GALNT2: variants seen among roughly 807,000 people sequenced by gnomAD.
The protein encoded by GALNT2 is UDP-GalNAc:polypeptide N-acetylgalactosaminyltransferase 2.
In GALNT2, 31 loss-of-function variants were observed where a neutral mutation model predicts 81.4. The ratio of observed to expected loss-of-function variants is 0.38; its 90% CI spans 0.29 to 0.51. The LOEUF is 0.51. Ranked by LOEUF, GALNT2 falls within the 20% of genes least tolerant of loss-of-function variation. GALNT2 has a pLI of 0.87. For missense variants in GALNT2, 629 were observed against 765.7 expected, an observed-to-expected ratio of 0.82 and a Z score of 2.11; for synonymous variants, 303 against 287.4, an observed-to-expected ratio of 1.05 and a Z score of -0.55.
chr1:230,184,960 T>A (rs1663275240), intron 2 of GALNT2, among the ~76,000 whole-genome samples: 1 of 152,236 alleles, frequency 6.6e-6, no homozygotes, highest in Non-Finnish European at 1.5e-5. Context: ...TTTTAGAAGT[T>A]TCTAATGTCA....
At position 230,282,091 on chromosome 1, in the gene GALNT2, T is replaced by C. The variant is rs186904200; in HGVS notation, c.*2633T>C. The C allele has an allele frequency of 2.6e-4, 40 of 152,144 alleles. No homozygotes were observed. In the East Asian group the frequency reaches 7.7e-3, roughly 29 times the overall value. 9.4% of individuals were successfully genotyped at this position (152,144 alleles called of 1,614,324 possible). ...GATGGAAACCATCCTTGAAAATTGTTTAACTTAAATAAAGAGAAGATACTT... is the reference window on the plus strand; with the variant it reads ...GATGGAAACCATCCTTGAAAATTGTCTAACTTAAATAAAGAGAAGATACTT... On this transcript the variant is annotated 3_prime_UTR_variant, in exon 16 of 16. Coordinates refer to ENST00000366672, the MANE Select transcript of GALNT2 (RefSeq NM_004481.5).
At chr1:230,152,499 A>C (rs1662121153) in intron 1 of GALNT2, among the ~76,000 whole-genome samples, 3 of 152,206 alleles carry the variant, frequency 2.0e-5, no homozygotes, top group Admixed American at 6.5e-5. Context: ...AAGAGTAGGT[A>C]CCCTTTTATG....
At chr1:230,223,909 TC>T (rs1396853583) in intron 3 of GALNT2, among the ~76,000 whole-genome samples, 1 of 152,128 alleles carries the variant, frequency 6.6e-6, no homozygotes, top group African/African-American at 2.4e-5. Flanking sequence ...TGCTCAGGGG[TC>T]CCACAGACTC....
At chr1:230,241,908 T>C (rs2102740518) in intron 6 of GALNT2, among the ~76,000 whole-genome samples, 1 of 152,372 alleles carries the variant, frequency 6.6e-6, no homozygotes, top group Middle Eastern at 3.4e-3. Flanking sequence ...AGATAGCAGC[T>C]GAAACTCAGT....
At position 230,280,198 on chromosome 1, in the gene GALNT2, AG is replaced by A. The variant is rs1666400151; in HGVS notation, c.*743del. 2.8e-6 allele frequency: 1 copy of A among 355,954 alleles called. No individual in the cohort carries two copies. 22.0% of individuals were successfully genotyped at this position (355,954 alleles called of 1,614,324 possible). ...GCCCGGTGGGGCCAGTTTCTCACAG[AG>A]GGAGGAGGTGGCCTTTGTCCCCTGG... On this transcript the variant is annotated 3_prime_UTR_variant, in exon 16 of 16. Transcript: ENST00000366672.
At chr1:230,264,075 G>A (rs1024925672) in intron 13 of GALNT2, 1 of 152,264 alleles carries the variant, frequency 6.6e-6, no homozygotes, top group African/African-American at 2.4e-5. Flanking sequence ...TTTTGCTGGG[G>A]ATTGAGAGCA....
intron 1 of GALNT2, among the ~76,000 whole-genome samples, chr1:230,114,851 C>G (rs1369560142): frequency 6.6e-6 from 1 of 152,062 alleles, no homozygotes; most frequent in Non-Finnish European, 1.5e-5. Flanking sequence ...GGGTTCACAG[C>G]AAAATTGAGC....
chr1:230,119,090 C>G (rs535383224), intron 1 of GALNT2, among the ~76,000 whole-genome samples: 4 of 152,288 alleles, frequency 2.6e-5, no homozygotes, highest in African/African-American at 9.6e-5. Flanking sequence ...ATTTAATTAT[C>G]GCTCAAATCT....
chr1:230,268,873 A>G (rs1473414188), intron 14 of GALNT2, among the ~76,000 whole-genome samples: 3 of 152,208 alleles, frequency 2.0e-5, no homozygotes, highest in Non-Finnish European at 4.4e-5. Context: ...GAGGGCAGCC[A>G]CAGCACAGAC....
chr1:230,232,456 C>G (rs894867654), intron 3 of GALNT2, among the ~76,000 whole-genome samples: 3 of 152,066 alleles, frequency 2.0e-5, no homozygotes, highest in South Asian at 2.1e-4. Context: ...AAAAGGAAAC[C>G]GAGAGAATAG....
intron 1 of GALNT2, among the ~76,000 whole-genome samples, chr1:230,170,786 C>T (rs1434709876): frequency 6.6e-6 from 1 of 152,038 alleles, no homozygotes. Flanking sequence ...GGAGGAGGTG[C>T]CAGGTTCTTT....
upstream of GALNT2, among the ~76,000 whole-genome samples, chr1:230,066,180 C>T (rs980077630): frequency 1.3e-5 from 2 of 152,210 alleles, no homozygotes; most frequent in Non-Finnish European, 2.9e-5. Context: ...TGCCATTATC[C>T]TCTGACCGAG....
At chr1:230,100,780 G>T (rs1211637218) in intron 1 of GALNT2, among the ~76,000 whole-genome samples, 3 of 152,184 alleles carry the variant, frequency 2.0e-5, no homozygotes, top group Non-Finnish European at 4.4e-5. Flanking sequence ...CTCCAAAGTC[G>T]ATGTGTGTAT....
intron 3 of GALNT2, among the ~76,000 whole-genome samples, chr1:230,209,323 T>C (rs1664161416): frequency 6.6e-6 from 1 of 151,316 alleles, no homozygotes. Context: ...TTTGTGGAGG[T>C]GATTAAGGTT....
intron 1 of GALNT2, among the ~76,000 whole-genome samples, chr1:230,173,600 C>T (rs974534683): frequency 6.6e-6 from 1 of 152,204 alleles, no homozygotes; most frequent in Non-Finnish European, 1.5e-5. Context: ...CATGACTTGT[C>T]TAATCTCAGT....
chr1:230,225,674 G>GTT (rs199933306), intron 3 of GALNT2, among the ~76,000 whole-genome samples: 1,521 of 141,096 alleles, frequency 0.011, 49 homozygotes, highest in African/African-American at 0.04. Flanking sequence ...AGGAGGCAGA[G>GTT]TTTTTTTGTT....
At chr1:230,265,758 C>T (rs750785633) in intron 14 of GALNT2, among the ~76,000 whole-genome samples, 14 of 152,236 alleles carry the variant, frequency 9.2e-5, no homozygotes, top group Non-Finnish European at 1.6e-4. Context: ...CCTGGTATGC[C>T]TATACAACAG....
At position 230,279,132 on chromosome 1, in the gene GALNT2, C is replaced by G. The variant is rs1346198285; in HGVS notation, c.1561-171C>G. On this transcript the variant is annotated intron_variant, in intron 15 of 15. Coordinates refer to ENST00000366672, the MANE Select transcript of GALNT2 (RefSeq NM_004481.5). This position sits in a 1 kb window ranked among gnomAD's most constrained non-coding sequence, Gnocchi z 4.6. ...TCCTGGGTCCCAGCAGCACCTGTGG[C>G]TGGTTTCCTGTGGGGCTGCTGCAAG... Among the ~76,000 whole-genome samples the G allele has an allele frequency of 1.3e-5, 2 of 152,190 alleles. No individual in the cohort carries two copies. The highest frequency in any genetic ancestry group is 4.8e-5 in the African/African-American group (2 of 41,446).
chr1:230,173,373 CA>C (rs1467782268), intron 1 of GALNT2, among the ~76,000 whole-genome samples: 3 of 152,318 alleles, frequency 2.0e-5, no homozygotes, highest in African/African-American at 7.2e-5. Flanking sequence ...TGATGGAATG[CA>C]GTATTTGGTC....
Sources: gnomAD v4.1 joint callset for allele counts (sites outside exome capture counted in the v4.1 genomes callset) on GRCh38, gnomAD v4.1.1 for gene constraint, Gnocchi (gnomAD v3.1) non-coding constraint, MANE v1.5 for transcripts, NCBI Gene and HGNC (gene_info 2026-07-23, HGNC 2026-07-21) for gene names.